The following PFKFB3 variants were observed in gnomAD, a reference collection of about 807,000 sequenced individuals.
PFKFB3 encodes the protein 6-phosphofructo-2-kinase/fructose-2,6-bisphosphatase 3.
Under a neutral mutation model 68.0 loss-of-function variants are expected in PFKFB3, and 33 were observed. The ratio of observed to expected loss-of-function variants is 0.49; its 90% CI spans 0.37 to 0.65. The LOEUF is 0.65. Ranked by LOEUF, PFKFB3 falls within the 30% of genes least tolerant of loss-of-function variation. The probability of loss-of-function intolerance (pLI) is 0.00; values close to 1 mark genes in which losing one functional copy is unlikely to be tolerated. For missense variants in PFKFB3, 586 were observed against 712.2 expected, an observed-to-expected ratio of 0.82 and a Z score of 2.02; for synonymous variants, 315 against 288.2, an observed-to-expected ratio of 1.09 and a Z score of -0.94.
intron 1 of PFKFB3, among the ~76,000 whole-genome samples, chr10:6,169,124 T>A (rs7923054): frequency 0.21 from 32,309 of 152,124 alleles, 4,149 homozygotes; most frequent in African/African-American, 0.35. Context: ...GTATTTTTAG[T>A]AGAGACGGGG....
chr10:6,168,374 G>T (rs1842202091), intron 1 of PFKFB3, among the ~76,000 whole-genome samples: 1 of 152,226 alleles, frequency 6.6e-6, no homozygotes, highest in African/African-American at 2.4e-5. Context: ...GCTTCAGTCA[G>T]CCTTCCTGGG....
chr10:6,209,054 G>A (rs780027049), intron 1 of PFKFB3, among the ~76,000 whole-genome samples: 40 of 152,192 alleles, frequency 2.6e-4, no homozygotes, highest in Non-Finnish European at 7.3e-5. Flanking sequence ...TCTGTCTCAC[G>A]GGTACCCAGT....
chr10:6,263,593 C>T, the PFKFB3 span, among the ~76,000 whole-genome samples: 6 of 152,208 alleles, frequency 3.9e-5, no homozygotes, highest in African/African-American at 1.4e-4. Flanking sequence ...GGAAGCCAAC[C>T]AGCAAGGGGG....
At chr10:6,221,258 G>A in intron 8 of PFKFB3, 123 bp from the exon 9 acceptor site, 1 of 1,172,546 alleles carries the variant, frequency 8.5e-7, no homozygotes, top group Non-Finnish European at 1.2e-6. Context: ...TGTCCCAGTG[G>A]CCTGGGGCCC....
At chr10:6,281,760 C>T in the PFKFB3 span, among the ~76,000 whole-genome samples, 9 of 152,106 alleles carry the variant, frequency 5.9e-5, no homozygotes, top group Non-Finnish European at 1.3e-4. Flanking sequence ...CTTGGCACTG[C>T]ACTCCAGGAT....
chr10:6,219,865 G>A (rs538761337), intron 7 of PFKFB3, among the ~76,000 whole-genome samples, 172 bp downstream of exon 7: 2 of 150,932 alleles, frequency 1.3e-5, no homozygotes, highest in African/African-American at 4.9e-5. Flanking sequence ...TTGAGCTCCT[G>A]GCCTCAGGTG....
intron 14 of PFKFB3, among the ~76,000 whole-genome samples, chr10:6,248,205 G>C (rs1846298682): frequency 6.6e-6 from 1 of 152,178 alleles, no homozygotes; most frequent in Admixed American, 6.5e-5. Context: ...TTCACCCCCA[G>C]TTTTCCTGGG....
At chr10:6,223,894 G>A in intron 11 of PFKFB3, 64 bp from the exon 12 acceptor site, 2 of 1,445,168 alleles carry the variant, frequency 1.4e-6, no homozygotes, top group South Asian at 2.3e-5. Context: ...TGGGATTACA[G>A]GCGTGAGCCA....
At chr10:6,268,672 G>A in the PFKFB3 span, among the ~76,000 whole-genome samples, 1 of 150,434 alleles carries the variant, frequency 6.6e-6, no homozygotes, top group Admixed American at 6.6e-5. Context: ...TAATAAAAAA[G>A]ACTAGTTAAC....
At chr10:6,200,279 A>G (rs1404280329), upstream of PFKFB3, among the ~76,000 whole-genome samples, 1 of 152,030 alleles carries the variant, frequency 6.6e-6, no homozygotes, top group Non-Finnish European at 1.5e-5. Flanking sequence ...GAATCATCGT[A>G]TTAGAGGAAC....
intron 1 of PFKFB3, among the ~76,000 whole-genome samples, chr10:6,207,390 C>T (rs993778413): frequency 2.6e-5 from 4 of 152,224 alleles, no homozygotes; most frequent in Admixed American, 6.5e-5. Flanking sequence ...GGCAGCAGTA[C>T]AGTCCAGCTT....
intron 1 of PFKFB3, among the ~76,000 whole-genome samples, chr10:6,155,199 T>C (rs1471833653): frequency 2.3e-5 from 2 of 85,250 alleles, no homozygotes; most frequent in African/African-American, 5.9e-5. Flanking sequence ...ACTTACGAGT[T>C]TTTTTCTTTT....
chr10:6,299,875 T>A, the PFKFB3 span, among the ~76,000 whole-genome samples: 1 of 152,074 alleles, frequency 6.6e-6, no homozygotes, highest in Non-Finnish European at 1.5e-5. Context: ...GAGCTCCATG[T>A]TTCCTTCACT....
At chr10:6,312,808 C>T in the PFKFB3 span, among the ~76,000 whole-genome samples, 8,029 of 152,314 alleles carry the variant, frequency 0.053, 318 homozygotes, top group Middle Eastern at 0.2. Flanking sequence ...GCCCTGGTTT[C>T]AAGAGCAAGC....
chr10:6,293,468 C>T, the PFKFB3 span: 33 of 215,114 alleles, frequency 1.5e-4, no homozygotes, highest in South Asian at 2.0e-3. Context: ...GCCTCAGCCT[C>T]CTGAGTAGCT....
intron 14 of PFKFB3, among the ~76,000 whole-genome samples, chr10:6,246,311 A>T (rs1846257881): frequency 6.7e-6 from 1 of 150,044 alleles, no homozygotes; most frequent in Admixed American, 6.6e-5. Context: ...GTACATTTTT[A>T]TTTTTATTTA....
At chr10:6,155,486 G>A (rs995146155) in intron 1 of PFKFB3, among the ~76,000 whole-genome samples, 18 of 152,240 alleles carry the variant, frequency 1.2e-4, no homozygotes, top group African/African-American at 4.3e-4. Context: ...TTACAGGCGT[G>A]AGCCACCGCA....
At chr10:6,204,347 ACT>A (rs1843549647) in intron 1 of PFKFB3, among the ~76,000 whole-genome samples, 1 of 152,058 alleles carries the variant, frequency 6.6e-6, no homozygotes, top group South Asian at 2.1e-4. Flanking sequence ...CCAGGTGCAA[ACT>A]CTCGAGGTGG....
chr10:6,206,355 C>T (rs1235118665), intron 1 of PFKFB3, among the ~76,000 whole-genome samples: 29 of 137,762 alleles, frequency 2.1e-4, no homozygotes, highest in African/African-American at 7.8e-4. Flanking sequence ...CTACTTCTTT[C>T]TACACAGACA....
Sources: allele counts gnomAD v4.1 joint callset (sites outside exome capture counted in the v4.1 genomes callset), GRCh38; gene constraint gnomAD v4.1.1; transcripts MANE v1.5; gene names NCBI Gene and HGNC (gene_info 2026-07-23, HGNC 2026-07-21).